The following DUSP10 variants were observed in gnomAD, a reference collection of about 807,000 sequenced individuals.
The protein encoded by DUSP10 is dual specificity phosphatase 10, also known as dual specificity protein phosphatase 10.
DUSP10 carries 14 observed loss-of-function variants against 30.8 expected under a neutral mutation model. The observed-to-expected ratio is 0.46, with a 90% CI of 0.30 to 0.71. DUSP10 has a LOEUF of 0.71. DUSP10 is among the 30% of genes least tolerant of loss of function. The pLI is 0.08. For synonymous variants in DUSP10, 254 were observed against 250.4 expected, an observed-to-expected ratio of 1.01 and a Z score of -0.14; for missense variants, 550 against 619.4, an observed-to-expected ratio of 0.89 and a Z score of 1.19.
chr1:221,738,761 G>T (rs928618498), intron 2 of DUSP10, among the ~76,000 whole-genome samples, 173 bp downstream of exon 2: 5 of 152,222 alleles, frequency 3.3e-5, no homozygotes, highest in African/African-American at 9.6e-5. Flanking sequence ...GTTCAGTGCT[G>T]CTGGGTTTTT....
In DUSP10 at chr1:221,702,353, A is replaced by G; in HGVS notation, c.*59T>C. The G allele has an allele frequency of 2.6e-6, 4 of 1,545,860 alleles. No homozygotes were observed. Among genetic ancestry groups the G allele is most frequent in the Non-Finnish European group, 3.5e-6 (4 of 1,147,124 alleles). ...AAAGAAAGAAAAAAAACCAGAATCC[A>G]TCCTCCTTCCTCATTGTCTCCTAAT... On this transcript the variant is annotated 3_prime_UTR_variant, in exon 4 of 4. Coordinates refer to ENST00000366899, the MANE Select transcript of DUSP10 (RefSeq NM_007207.6). The surrounding 1 kb of genome is among the most constrained non-coding windows in gnomAD (Gnocchi z 4.5).
chr1:221,739,901 G>T, intron 1 of DUSP10, 114 bp from the exon 2 acceptor site: 1 of 1,098,858 alleles, frequency 9.1e-7, no homozygotes, highest in Non-Finnish European at 1.2e-6. Flanking sequence ...CGTCCTAATT[G>T]CCCTTTATCA....
intron 2 of DUSP10, among the ~76,000 whole-genome samples, chr1:221,732,628 A>C (rs1411861763): frequency 6.6e-6 from 1 of 152,218 alleles, no homozygotes; most frequent in Non-Finnish European, 1.5e-5. Flanking sequence ...GACCTACTTT[A>C]ACATTAAGGA....
At chr1:221,736,703 G>T in intron 2 of DUSP10, 1 of 686,330 alleles carries the variant, frequency 1.5e-6, no homozygotes, top group Non-Finnish European at 1.8e-6. Context: ...CCCAATTTTA[G>T]GCCATTCTCC....
At chr1:221,734,873 ATC>A (rs1217723260) in intron 2 of DUSP10, among the ~76,000 whole-genome samples, 1 of 152,160 alleles carries the variant, frequency 6.6e-6, no homozygotes, top group Non-Finnish European at 1.5e-5. Context: ...TCCTCATAAC[ATC>A]TCTGAGAGAA....
At chr1:221,733,303 TCTC>T (rs1188639390) in intron 2 of DUSP10, among the ~76,000 whole-genome samples, 3 of 152,224 alleles carry the variant, frequency 2.0e-5, no homozygotes, top group Non-Finnish European at 4.4e-5. Context: ...CATTCTCCCT[TCTC>T]CTTTCTCCTA....
intron 2 of DUSP10, among the ~76,000 whole-genome samples, chr1:221,728,025 C>G (rs906385662): frequency 6.6e-6 from 1 of 152,156 alleles, no homozygotes; most frequent in African/African-American, 2.4e-5. Context: ...AATTGCATGG[C>G]CATTCCATGG....
chr1:221,723,165 G>A (rs914484572), intron 2 of DUSP10, among the ~76,000 whole-genome samples: 2 of 152,174 alleles, frequency 1.3e-5, no homozygotes, highest in Admixed American at 1.3e-4. Context: ...AGATGAAATA[G>A]GCCCCAGAGA....
chr1:221,739,279 C>G lies in DUSP10; in HGVS notation c.466G>C (p.Ala156Pro). The G allele has an allele frequency of 6.2e-7, 1 of 1,614,170 alleles. No homozygotes were observed. ...SIKIIYPNDL[A>P]KKMTKCSKSH... The stretch of plus-strand genomic sequence containing the variant: ...TTGCTGCATTTGGTCATCTTCTTTG[C>G]CAAGTCATTGGGGTAGATTATTTTG... The change falls in exon 2 of 4, where the codon GCA (alanine) becomes CCA (proline). Residue 156 changes from alanine to proline, a missense_variant. By Grantham distance (27) the Ala-to-Pro change is conservative. Coordinates refer to ENST00000366899, the MANE Select transcript of DUSP10 (RefSeq NM_007207.6).
intron 2 of DUSP10, among the ~76,000 whole-genome samples, chr1:221,736,226 C>A (rs1361759682): frequency 6.6e-6 from 1 of 152,082 alleles, no homozygotes; most frequent in African/African-American, 2.4e-5. Flanking sequence ...GACAGGGGGA[C>A]AAGGATCTTG....
At chr1:221,737,966 A>G (rs994258980) in intron 2 of DUSP10, among the ~76,000 whole-genome samples, 1 of 152,174 alleles carries the variant, frequency 6.6e-6, no homozygotes, top group African/African-American at 2.4e-5. Context: ...AAGAGGAGAG[A>G]AGAGAGAAGA....
intron 2 of DUSP10, among the ~76,000 whole-genome samples, chr1:221,713,757 T>G (rs11802266): frequency 0.051 from 7,769 of 152,302 alleles, 225 homozygotes; most frequent in African/African-American, 0.078. Flanking sequence ...GCAGGACTAG[T>G]CTTATTTAAA....
intron 2 of DUSP10, among the ~76,000 whole-genome samples, chr1:221,715,185 C>A (rs1661061511): frequency 6.6e-6 from 1 of 152,292 alleles, no homozygotes; most frequent in Non-Finnish European, 1.5e-5. Flanking sequence ...TTATTGCCCA[C>A]ATATTTACCT....
chr1:221,702,744 TTCATC>T lies in DUSP10; in HGVS notation c.1184-72_1184-68del. The T allele has an allele frequency of 2.6e-6, 4 of 1,540,880 alleles. No individual in the cohort carries two copies. The highest frequency in any genetic ancestry group is 3.5e-6 in the Non-Finnish European group (4 of 1,130,146). On this transcript the variant is annotated intron_variant, in intron 3 of 3. Transcript: ENST00000366899. The surrounding 1 kb of genome is among the most constrained non-coding windows in gnomAD (Gnocchi z 4.5). Reference sequence around the variant, plus strand: ...AGAGAGAGGCACGGAGAGAGAAACTTTCATCTCAACTTTGCAATGCCTTATTTTGT... The same window carrying T: ...AGAGAGAGGCACGGAGAGAGAAACTTTCAACTTTGCAATGCCTTATTTTGT...
rs34500007 is a variant in DUSP10 at position 221,717,458 on chromosome 1, CAGAGAG to C, written c.812-10998_812-10993del. Among the ~76,000 whole-genome samples the C allele has an allele frequency of 7.4e-5, 11 of 149,234 alleles. 1 individual carries two copies. Among genetic ancestry groups the C allele is most frequent in the South Asian group, 4.2e-4 (2 of 4,724 alleles). On this transcript the variant is annotated intron_variant, in intron 2 of 3. Coordinates refer to ENST00000366899, the MANE Select transcript of DUSP10 (RefSeq NM_007207.6). Reference sequence around the variant, plus strand: ...AAAAGAGGGGGGAGGGGAAAAGAAACAGAGAGAGAGAGAGAGAGAGAACGCACTGAT... The same window carrying C: ...AAAAGAGGGGGGAGGGGAAAAGAAACAGAGAGAGAGAGAGAACGCACTGAT...
intron 1 of DUSP10, among the ~76,000 whole-genome samples, chr1:221,741,252 C>T (rs1012007615): frequency 6.6e-6 from 1 of 152,214 alleles, no homozygotes; most frequent in Non-Finnish European, 1.5e-5. Flanking sequence ...ATTCCAGAAG[C>T]TATAACTGTT....
chr1:221,739,456 T>A lies in DUSP10; in HGVS notation c.289A>T (p.Ile97Phe). The A allele has an allele frequency of 6.2e-7, 1 of 1,614,180 alleles. No homozygotes were observed. The highest frequency in any genetic ancestry group is 8.5e-7 in the Non-Finnish European group (1 of 1,180,024). The part of the protein sequence containing the change: ...DKDNQAQTQA[I>F]AAGTTTTAIG... The stretch of plus-strand genomic sequence containing the variant: ...GCAGTGGTGGTGGTGCCAGCGGCAA[T>A]GGCTTGGGTTTGGGCCTGATTGTCC... The change falls in exon 2 of 4, where the codon ATT (isoleucine) becomes TTT (phenylalanine). Residue 97 changes from isoleucine (I) to phenylalanine (F), a missense_variant. Physicochemically the swap from Ile to Phe is conservative, Grantham distance 21 (BLOSUM62 0). Transcript: ENST00000366899.
intron 2 of DUSP10, among the ~76,000 whole-genome samples, chr1:221,707,416 T>C (rs1660800014): frequency 6.6e-6 from 1 of 152,204 alleles, no homozygotes; most frequent in Non-Finnish European, 1.5e-5. Flanking sequence ...TGTGGGCACA[T>C]AAACCCATCA....
chr1:221,739,851 C>T, intron 1 of DUSP10, 64 bp from the exon 2 acceptor site: 4 of 1,439,212 alleles, frequency 2.8e-6, no homozygotes, highest in Non-Finnish European at 3.6e-6. Context: ...CAGTCTCATC[C>T]AATCCCTGGG....
Sources: allele counts gnomAD v4.1 joint callset (sites outside exome capture counted in the v4.1 genomes callset), GRCh38; gene constraint gnomAD v4.1.1; non-coding constraint Gnocchi (gnomAD v3.1); transcripts MANE v1.5; gene names NCBI Gene and HGNC (gene_info 2026-07-23, HGNC 2026-07-21).